DLGAP2: variants seen among roughly 807,000 people sequenced by gnomAD.
DLGAP2 encodes DLG associated protein 2.
In DLGAP2, 26 loss-of-function variants were observed where a neutral mutation model predicts 100.3. That is an observed-to-expected ratio of 0.26 (90% CI 0.19 to 0.36). The LOEUF is 0.36. DLGAP2 is among the 10% of genes least tolerant of loss of function. DLGAP2 has a pLI of 1.00. For missense variants in DLGAP2, 1,858 were observed against 1,453.2 expected (o/e 1.28, Z -4.53); for synonymous variants, 886 against 630.1 (o/e 1.41, Z -6.08).
At chr8:1,558,799 A>T (rs1482307925) in intron 5 of DLGAP2, among the ~76,000 whole-genome samples, 1 of 150,448 alleles carries the variant, frequency 6.6e-6, no homozygotes. Context: ...CATTACACAT[A>T]CACACATAAA....
intron 1 of DLGAP2, among the ~76,000 whole-genome samples, chr8:787,237 G>A (rs953754184): frequency 2.6e-5 from 4 of 151,962 alleles, no homozygotes; most frequent in Non-Finnish European, 4.4e-5. Flanking sequence ...TCAATCGCTC[G>A]TGTTCGAACG....
At chr8:1,010,693 T>G (rs1801255414) in intron 2 of DLGAP2, among the ~76,000 whole-genome samples, 2 of 152,250 alleles carry the variant, frequency 1.3e-5, no homozygotes, top group Admixed American at 1.3e-4. Context: ...TTCAGGAACC[T>G]AAGAATAATT....
In DLGAP2 at chr8:1,206,342, T is replaced by A. The variant is rs1407463175; in HGVS notation, c.74-52509T>A. On this transcript the variant is annotated intron_variant, in intron 2 of 14. Coordinates refer to ENST00000637795, the MANE Select transcript of DLGAP2 (RefSeq NM_001346810.2). ...TGGACTGGGGTAGACTGTGAATGGT[T>A]AATCTCCAGCCATCCGTGGACTGGG... 8.8e-5 allele frequency among the ~76,000 whole-genome samples: 13 copies of A among 148,388 alleles called. 2 individuals are homozygous for A. The highest frequency in any genetic ancestry group is 8.4e-4 in the Admixed American group (12 of 14,360).
chr8:1,128,259 G>A (rs540178882), intron 2 of DLGAP2, among the ~76,000 whole-genome samples: 47 of 147,950 alleles, frequency 3.2e-4, no homozygotes, highest in African/African-American at 1.1e-3. Flanking sequence ...TGTTGTGTTC[G>A]GTGAGGACCT....
At chr8:1,518,148 G>T (rs575170941) in intron 4 of DLGAP2, among the ~76,000 whole-genome samples, 1 of 152,278 alleles carries the variant, frequency 6.6e-6, no homozygotes, top group African/African-American at 2.4e-5. Flanking sequence ...TGAGTGTTAC[G>T]CTTCTGTGTT....
At chr8:1,388,847 G>T (rs1796280383) in intron 3 of DLGAP2, among the ~76,000 whole-genome samples, 1 of 127,302 alleles carries the variant, frequency 7.9e-6, no homozygotes, top group Non-Finnish European at 1.7e-5. Flanking sequence ...AGGTGTCAGG[G>T]CTGTGAGAGC....
intron 3 of DLGAP2, among the ~76,000 whole-genome samples, chr8:1,451,221 A>G (rs1478369675): frequency 6.6e-6 from 1 of 152,038 alleles, no homozygotes; most frequent in Admixed American, 6.5e-5. Flanking sequence ...TCTACACCTG[A>G]AGAAGGAACA....
At chr8:900,271 A>G (rs13279280) in intron 1 of DLGAP2, among the ~76,000 whole-genome samples, 71,381 of 137,584 alleles carry the variant, frequency 0.52, 17,619 homozygotes, top group Admixed American at 0.64. Flanking sequence ...GGTCGGCGCC[A>G]TCCTGTTCAC....
At chr8:1,619,115 G>C (rs1313151096) in intron 6 of DLGAP2, among the ~76,000 whole-genome samples, 1 of 152,212 alleles carries the variant, frequency 6.6e-6, no homozygotes, top group Admixed American at 6.5e-5. Flanking sequence ...CAAAGGGCTT[G>C]AATGCAGAAT....
intron 2 of DLGAP2, among the ~76,000 whole-genome samples, chr8:1,214,132 C>G (rs943209520): frequency 6.6e-6 from 1 of 152,188 alleles, no homozygotes; most frequent in African/African-American, 2.4e-5. Context: ...CACTTTCTCC[C>G]AGCCCCCTTC....
intron 3 of DLGAP2, among the ~76,000 whole-genome samples, chr8:1,289,683 A>G (rs1800016375): frequency 6.6e-6 from 1 of 152,162 alleles, no homozygotes; most frequent in South Asian, 2.1e-4. Context: ...TCCACTGTGC[A>G]GTGTTCTCAC....
At chr8:873,737 A>G (rs1475501900) in intron 1 of DLGAP2, among the ~76,000 whole-genome samples, 1 of 152,164 alleles carries the variant, frequency 6.6e-6, no homozygotes, top group African/African-American at 2.4e-5. Flanking sequence ...GGAAGAATTT[A>G]TGAAGCATTG....
chr8:945,731 T>C (rs1048266387), intron 2 of DLGAP2, among the ~76,000 whole-genome samples: 30 of 152,178 alleles, frequency 2.0e-4, no homozygotes, highest in Non-Finnish European at 3.1e-4. Context: ...CAGGGAACAT[T>C]TTCTAATTTT....
At chr8:1,299,682 A>T (rs781715124) in intron 3 of DLGAP2, among the ~76,000 whole-genome samples, 52 of 152,144 alleles carry the variant, frequency 3.4e-4, no homozygotes, top group Admixed American at 8.5e-4. Flanking sequence ...TAATATTTTT[A>T]AATTATTTTT....
chr8:1,068,806 A>T (rs927190277), intron 2 of DLGAP2, among the ~76,000 whole-genome samples: 1 of 151,548 alleles, frequency 6.6e-6, no homozygotes, highest in Non-Finnish European at 1.5e-5. Flanking sequence ...TCCCAGGGAG[A>T]CCTCGTGGGG....
At chr8:1,520,088 G>A (rs1455562554) in intron 4 of DLGAP2, among the ~76,000 whole-genome samples, 1 of 152,182 alleles carries the variant, frequency 6.6e-6, no homozygotes, top group African/African-American at 2.4e-5. Context: ...TGGAGTGCTG[G>A]GCACGCTGTC....
chr8:1,364,202 G>T (rs1335035418), intron 3 of DLGAP2, among the ~76,000 whole-genome samples: 1 of 152,196 alleles, frequency 6.6e-6, no homozygotes, highest in East Asian at 1.9e-4. Flanking sequence ...GAGGGGAGGG[G>T]CGGACGGTGC....
At chr8:802,709 A>G (rs10108289) in intron 1 of DLGAP2, among the ~76,000 whole-genome samples, 34,360 of 151,894 alleles carry the variant, frequency 0.23, 4,646 homozygotes, top group Non-Finnish European at 0.31. Context: ...ACTAGCAGAG[A>G]CAGGTTGCAT....
chr8:1,073,453 A>C (rs973880809), intron 2 of DLGAP2, among the ~76,000 whole-genome samples: 1 of 152,242 alleles, frequency 6.6e-6, no homozygotes, highest in Non-Finnish European at 1.5e-5. Context: ...AAATACAGAC[A>C]TGGATATGTA....
Sources: allele counts gnomAD v4.1 joint callset (sites outside exome capture counted in the v4.1 genomes callset), GRCh38; gene constraint gnomAD v4.1.1; transcripts MANE v1.5; gene names NCBI Gene and HGNC (gene_info 2026-07-23, HGNC 2026-07-21).